Variants in OR52N4 observed in about 807,000 individuals in gnomAD.
OR52N4 encodes olfactory receptor family 52 subfamily N member 4.
A neutral mutation model predicts 15.0 loss-of-function variants in OR52N4; 15 were observed. The ratio of observed to expected loss-of-function variants is 1.00; its 90% CI spans 0.67 to 1.54. OR52N4 has a LOEUF of 1.54. Ranked by LOEUF, OR52N4 falls within the 40% of genes most tolerant of loss-of-function variation. The pLI is 0.00. For synonymous variants in OR52N4, 143 were observed against 143.7 expected, an observed-to-expected ratio of 1.00 and a Z score of 0.03; for missense variants, 421 against 394.0, an observed-to-expected ratio of 1.07 and a Z score of -0.58.
At chr11:5,729,114 A>ATATTC in the OR52N4 span, among the ~76,000 whole-genome samples, 3,993 of 82,812 alleles carry the variant, frequency 0.048, 212 homozygotes, top group Middle Eastern at 0.12. Flanking sequence ...TTAAATTGAG[A>ATATTC]TTTTTTTTTT....
At chr11:5,745,102 C>A in the OR52N4 span, among the ~76,000 whole-genome samples, 1 of 151,962 alleles carries the variant, frequency 6.6e-6, no homozygotes, top group African/African-American at 2.4e-5. Context: ...ATTGAATGGG[C>A]AAAAGTTGAA....
At position 5,755,091 on chromosome 11, in the gene OR52N4, T is replaced by G. The variant is rs771580507; in HGVS notation, c.351T>G (p.Leu117=). The G allele has an allele frequency of 1.8e-5, 29 of 1,614,032 alleles. No individual in the cohort carries two copies. In the South Asian group the frequency reaches 2.3e-4, roughly 13 times the overall value. ...TCACAGGGATGGAGTCTGGGGTGCT[T>G]ATGCTTATGGCCCTGGATCGCTATG... ...HTFTGMESGV[L]MLMALDRYVA... Residue 117 remains leucine (L), a synonymous_variant, in exon 2 of 2, where the codon CTT becomes CTG. Transcript: ENST00000641350.
At chr11:5,742,771 C>T in the OR52N4 span, among the ~76,000 whole-genome samples, 257 of 151,842 alleles carry the variant, frequency 1.7e-3, no homozygotes, top group African/African-American at 6.0e-3. Flanking sequence ...GTGATACTTG[C>T]GACAATAAAA....
At chr11:5,744,468 C>T in the OR52N4 span, among the ~76,000 whole-genome samples, 1 of 152,158 alleles carries the variant, frequency 6.6e-6, no homozygotes, top group African/African-American at 2.4e-5. Flanking sequence ...CGAAATACTA[C>T]AAGACAATCC....
the OR52N4 span, chr11:5,736,200 C>A: frequency 7.1e-6 from 2 of 283,582 alleles, no homozygotes; most frequent in Non-Finnish European, 1.3e-5. Context: ...CTTTACAAGT[C>A]CATGATATCA....
chr11:5,734,745 T>C, the OR52N4 span, among the ~76,000 whole-genome samples: 2 of 152,108 alleles, frequency 1.3e-5, no homozygotes, highest in Admixed American at 6.6e-5. Context: ...TCAAATGGGT[T>C]ACATACTTCC....
the OR52N4 span, chr11:5,726,906 C>T: frequency 1.3e-5 from 2 of 157,402 alleles, no homozygotes; most frequent in Non-Finnish European, 1.5e-5. Flanking sequence ...CTCCGCTATG[C>T]CACAATCCTC....
At chr11:5,735,303 T>C in the OR52N4 span, among the ~76,000 whole-genome samples, 1 of 152,080 alleles carries the variant, frequency 6.6e-6, no homozygotes, top group Non-Finnish European at 1.5e-5. Context: ...AGAGATTATA[T>C]TCACTTCGGT....
chr11:5,730,908 C>T, the OR52N4 span, among the ~76,000 whole-genome samples: 2 of 151,710 alleles, frequency 1.3e-5, no homozygotes, highest in Non-Finnish European at 2.9e-5. Flanking sequence ...TTAACTAATT[C>T]CTTCCCACTG....
the OR52N4 span, chr11:5,736,519 G>T: frequency 6.2e-7 from 1 of 1,613,110 alleles, no homozygotes; most frequent in South Asian, 1.1e-5. Flanking sequence ...GTTGAATCAT[G>T]AATCATATGT....
the OR52N4 span, among the ~76,000 whole-genome samples, chr11:5,744,605 T>C: frequency 6.6e-6 from 1 of 152,192 alleles, no homozygotes; most frequent in South Asian, 2.1e-4. Flanking sequence ...GCCTAACATA[T>C]GGGCATAACA....
chr11:5,754,580 C>A, intron 1 of OR52N4, 113 bp from the exon 2 acceptor site: 1 of 621,748 alleles, frequency 1.6e-6, no homozygotes, highest in Non-Finnish European at 2.6e-6. Context: ...TCTTGGCACT[C>A]AGAAATTTGG....
At chr11:5,738,594 A>G in the OR52N4 span, 2 of 151,722 alleles carry the variant, frequency 1.3e-5, no homozygotes, top group Non-Finnish European at 2.9e-5. Context: ...TTATATCACC[A>G]GCATCTATCT....
the OR52N4 span, among the ~76,000 whole-genome samples, chr11:5,748,628 G>A: frequency 2.0e-5 from 3 of 151,870 alleles, no homozygotes; most frequent in Non-Finnish European, 4.4e-5. Context: ...CCAGCCTGCT[G>A]TGGAAAGCAG....
the OR52N4 span, chr11:5,734,277 CAG>C: frequency 4.4e-6 from 2 of 450,564 alleles, no homozygotes; most frequent in South Asian, 1.6e-5. Context: ...GGCTAAATTC[CAG>C]AGAGTTCAAT....
In OR52N4 at chr11:5,755,189, C is replaced by T. The variant is rs769681329; in HGVS notation, c.449C>T (p.Thr150Ile). Residue 150 changes from threonine (T) to isoleucine (I), a missense_variant, in exon 2 of 2, where the codon ACC becomes ATC. Physicochemically the swap from Thr to Ile is moderately conservative, Grantham distance 89 (BLOSUM62 -1). Coordinates refer to ENST00000641350, the MANE Select transcript of OR52N4 (RefSeq NM_001005175.5). ...NPVIAKVGTA[T>I]FLRGVLLIIP... ...GTAATTGCAAAGGTTGGGACTGCCACCTTCCTGAGAGGGGTATTACTCATT... is the reference window on the plus strand; with the variant it reads ...GTAATTGCAAAGGTTGGGACTGCCATCTTCCTGAGAGGGGTATTACTCATT... The T allele has an allele frequency of 4.3e-6, 7 of 1,613,954 alleles. No individual in the cohort carries two copies. The East Asian group carries it at 1.6e-4, about 36-fold the overall frequency.
chr11:5,741,565 T>C, the OR52N4 span, among the ~76,000 whole-genome samples: 7 of 152,206 alleles, frequency 4.6e-5, no homozygotes, highest in South Asian at 2.1e-4. Flanking sequence ...GTATGTTCTA[T>C]GGAACGCCCC....
chr11:5,733,555 A>T, the OR52N4 span, among the ~76,000 whole-genome samples: 1 of 152,142 alleles, frequency 6.6e-6, no homozygotes, highest in South Asian at 2.1e-4. Flanking sequence ...GTGAACTCTT[A>T]TCACTTGGTA....
chr11:5,742,541 C>T, the OR52N4 span, among the ~76,000 whole-genome samples: 1 of 152,170 alleles, frequency 6.6e-6, no homozygotes, highest in African/African-American at 2.4e-5. Context: ...AGAAATCTTA[C>T]AAGCCAGAAG....
Sources: gnomAD v4.1 joint callset for allele counts (sites outside exome capture counted in the v4.1 genomes callset) on GRCh38, gnomAD v4.1.1 for gene constraint, MANE v1.5 for transcripts, NCBI Gene and HGNC (gene_info 2026-07-23, HGNC 2026-07-21) for gene names.